Variants in SGSM3 observed in about 807,000 individuals in gnomAD.
The protein encoded by SGSM3 is RUN and SH3 containing 3.
A neutral mutation model predicts 100.5 loss-of-function variants in SGSM3; 96 were observed. The ratio of observed to expected loss-of-function variants is 0.96; its 90% confidence interval spans 0.81 to 1.13. The LOEUF is 1.13. Ranked by LOEUF, SGSM3 falls within the 50% of genes most tolerant of loss-of-function variation. The probability of loss-of-function intolerance (pLI) is 0.00; values close to 1 mark genes in which losing one functional copy is unlikely to be tolerated. For missense variants in SGSM3, 1,001 were observed against 1,015.8 expected (o/e 0.99, Z 0.20); for synonymous variants, 483 against 422.8 (o/e 1.14, Z -1.75).
Position 40,407,987 on chromosome 22 carries a change from C to A in SGSM3, c.1580-84C>A. 6.6e-7 allele frequency: 1 copy of A among 1,504,710 alleles called. No individual in the cohort carries two copies. The allele number at this position is 1,504,710 out of a possible 1,614,324, so 93.2% of individuals were successfully genotyped here. ...CCCTGAAGCAGCTGAGCCGGCTTCC[C>A]ACTGCCTCAGCCTGCCTGCAGGCTG... On this transcript the variant is annotated intron_variant, in intron 14 of 21. Coordinates refer to ENST00000248929, the MANE Select transcript of SGSM3 (RefSeq NM_015705.6). The surrounding 1 kb of genome is among the most constrained non-coding windows in gnomAD (Gnocchi z 4.7).
At chr22:40,393,277 C>G (rs551592375) in intron 1 of SGSM3, among the ~76,000 whole-genome samples, 15 of 152,170 alleles carry the variant, frequency 9.9e-5, no homozygotes, top group Non-Finnish European at 2.1e-4. Context: ...GCCACCACGC[C>G]CAGCTAATTT....
chr22:40,406,682 C>A lies in SGSM3; in HGVS notation c.1185+20C>A. 1 of 1,587,746 alleles carries A rather than the reference C, an allele frequency of 6.3e-7. No homozygotes were observed. The highest frequency in any genetic ancestry group is 1.7e-4 in the Middle Eastern group (1 of 5,996). ...TCTCAGGTGGCCCAGGATGGGGGGC[C>A]GCACCTTGACCCACAGCACACGGGG... On this transcript the variant is annotated intron_variant, in intron 10 of 21. Transcript: ENST00000248929.
intron 8 of SGSM3, 114 bp from the exon 9 acceptor site, chr22:40,405,964 T>C: frequency 6.7e-7 from 1 of 1,491,408 alleles, no homozygotes; most frequent in Non-Finnish European, 9.1e-7. Context: ...TGTTCTCTGG[T>C]GTTCCCTGCC....
intron 14 of SGSM3, 59 bp from the exon 15 acceptor site, chr22:40,408,012 G>C (rs928471966): frequency 2.4e-5 from 38 of 1,570,384 alleles, no homozygotes; most frequent in Non-Finnish European, 8.7e-7. Context: ...CCTGCAGGCT[G>C]TGTCTGCTCT....
chr22:40,408,472 C>G, intron 16 of SGSM3, 43 bp downstream of exon 16: 1 of 1,606,928 alleles, frequency 6.2e-7, no homozygotes, highest in Non-Finnish European at 8.5e-7. Context: ...CTGCACCAGC[C>G]CTGCTGTGCC....
In SGSM3 at chr22:40,405,646, C is replaced by T. The variant is rs749045143; in HGVS notation, c.619-3C>T. ...AAGGCCCTTGTCCCTGTGCCCTGGC[C>T]AGGTGGCCGCCTGCCTCCTGCTGTT... is the stretch of plus-strand genomic sequence containing the variant. On this transcript the variant is annotated splice_region_variant and splice_polypyrimidine_tract_variant and intron_variant, in intron 7 of 21. Coordinates refer to ENST00000248929, the MANE Select transcript of SGSM3 (RefSeq NM_015705.6). The T allele has an allele frequency of 1.9e-6, 3 of 1,611,414 alleles. No individual in the cohort carries two copies. Among genetic ancestry groups the T allele is most frequent in the Non-Finnish European group, 2.5e-6 (3 of 1,178,632 alleles).
chr22:40,402,451 A>G (rs900388786), intron 4 of SGSM3, among the ~76,000 whole-genome samples: 1 of 152,188 alleles, frequency 6.6e-6, no homozygotes, highest in Non-Finnish European at 1.5e-5. Flanking sequence ...AGAAGTTGAA[A>G]AATTCAGGCT....
chr22:40,395,206 C>G (rs2049888506), intron 1 of SGSM3, among the ~76,000 whole-genome samples: 1 of 152,138 alleles, frequency 6.6e-6, no homozygotes, highest in Non-Finnish European at 1.5e-5. Context: ...GAATGAAAAA[C>G]TCCCAAATTG....
At chr22:40,396,203 C>A (rs1601959036) in intron 1 of SGSM3, among the ~76,000 whole-genome samples, 1 of 152,124 alleles carries the variant, frequency 6.6e-6, no homozygotes, top group Non-Finnish European at 1.5e-5. Context: ...TTGTGCTTCT[C>A]TATCTAGGTG....
intron 19 of SGSM3, 60 bp downstream of exon 19, chr22:40,409,078 AGG>A: frequency 6.4e-7 from 1 of 1,551,372 alleles, no homozygotes; most frequent in African/African-American, 1.4e-5. Flanking sequence ...GCCCAGCATC[AGG>A]GGGGGTCCTT....
chr22:40,405,021 T>G, intron 6 of SGSM3, 120 bp from the exon 7 acceptor site: 1 of 1,337,666 alleles, frequency 7.5e-7, no homozygotes, highest in Non-Finnish European at 1.0e-6. Context: ...GGGAGGAGGG[T>G]GACCTTGATC....
At chr22:40,374,109 T>C (rs911976893) in intron 1 of SGSM3, among the ~76,000 whole-genome samples, 9 of 151,920 alleles carry the variant, frequency 5.9e-5, no homozygotes, top group African/African-American at 2.2e-4. Flanking sequence ...CCTGCCACCA[T>C]GCCCGGCTAA....
chr22:40,378,461 G>A, intron 1 of SGSM3, among the ~76,000 whole-genome samples: 1 of 151,460 alleles, frequency 6.6e-6, no homozygotes, highest in South Asian at 2.1e-4. Flanking sequence ...GGGCACGGTG[G>A]CTGATGCCTG....
rs1257170246 is a variant in SGSM3, at chr22:40,408,810, A to G, written c.1870A>G (p.Lys624Glu). The G allele has an allele frequency of 6.2e-7, 1 of 1,613,710 alleles. No individual in the cohort carries two copies. The highest frequency in any genetic ancestry group is 8.5e-7 in the Non-Finnish European group (1 of 1,179,970). Residue 624 changes from lysine (K) to glutamate (E), a missense_variant, in exon 18 of 22, where the codon AAA (lysine) becomes GAA (glutamate). By Grantham distance (56) the Lys-to-Glu change is moderately conservative. Coordinates refer to ENST00000248929, the MANE Select transcript of SGSM3 (RefSeq NM_015705.6). ...CKTFRLDEDG[K>E]VLTPEELLYR... ...TCCCCTCAGGTTGGATGAAGATGGC[A>G]AAGTCCTGACCCCGGAGGAGCTGCT...
chr22:40,396,614 A>G (rs912584820), intron 1 of SGSM3, among the ~76,000 whole-genome samples: 44 of 151,554 alleles, frequency 2.9e-4, no homozygotes, highest in Non-Finnish European at 5.3e-4. Flanking sequence ...AAAAAAAAAA[A>G]AAGAAGTATT....
Position 40,409,909 on chromosome 22 carries a change from C to T in SGSM3, c.*150C>T. 7.1e-7 allele frequency: 1 copy of T among 1,416,810 alleles called. No homozygotes were observed. Among genetic ancestry groups the T allele is most frequent in the Non-Finnish European group, 9.2e-7 (1 of 1,091,392 alleles). The allele number at this position is 1,416,810 out of a possible 1,614,324, so 87.8% of individuals were successfully genotyped here. ...CCCCACTCCACGTTCCCCAGCACATCCCAGGTGGTGGGAGCAGAGGGTACC... is the reference window on the plus strand; with the variant it reads ...CCCCACTCCACGTTCCCCAGCACATTCCAGGTGGTGGGAGCAGAGGGTACC... On this transcript the variant is annotated 3_prime_UTR_variant, in exon 22 of 22. Transcript: ENST00000248929.
In SGSM3 at chr22:40,409,819, G is replaced by GCAGAGCCCAGGGAAGAGCAGCTC. The variant is rs780226911; in HGVS notation, c.*69_*91dup. 1.5e-3 allele frequency: 2,351 copies of GCAGAGCCCAGGGAAGAGCAGCTC among 1,574,658 alleles called. 7 individuals are homozygous for GCAGAGCCCAGGGAAGAGCAGCTC. The highest frequency in any genetic ancestry group is 1.8e-3 in the Non-Finnish European group (2,125 of 1,166,674). ...CTGAGGTGGCCCAGGACCCCAAGCT[G>GCAGAGCCCAGGGAAGAGCAGCTC]CAGAGCCCAGGGAAGAGCAGCTCCA... On this transcript the variant is annotated 3_prime_UTR_variant, in exon 22 of 22. Transcript: ENST00000248929.
In SGSM3 at chr22:40,408,671, C is replaced by T. The variant is rs1569228535; in HGVS notation, c.1827C>T (p.Ser609=). 4.3e-6 allele frequency: 7 copies of T among 1,613,930 alleles called. No homozygotes were observed. Among genetic ancestry groups the T allele is most frequent in the Non-Finnish European group, 5.9e-6 (7 of 1,180,030 alleles). ...AGAGAGACTTTGCCTCCGTGTATTC[C>T]CGTCTGGTGCTCTGTAAGACCTTCA... The part of the protein sequence containing the change: ...EVERDFASVY[S]RLVLCKTFRL... The change falls in exon 17 of 22, where the codon TCC becomes TCT. Residue 609 remains serine (S), a synonymous_variant. Coordinates refer to ENST00000248929, the MANE Select transcript of SGSM3 (RefSeq NM_015705.6).
chr22:40,404,062 G>A (rs1297626124), intron 4 of SGSM3, 185 bp from the exon 5 acceptor site: 2 of 450,204 alleles, frequency 4.4e-6, no homozygotes, highest in African/African-American at 2.0e-5. Flanking sequence ...TGCTCCTCAT[G>A]GGGTACATGT....
Sources: allele counts gnomAD v4.1 joint callset (sites outside exome capture counted in the v4.1 genomes callset), GRCh38; gene constraint gnomAD v4.1.1; non-coding constraint Gnocchi (gnomAD v3.1); transcripts MANE v1.5; gene names NCBI Gene and HGNC (gene_info 2026-07-23, HGNC 2026-07-21).